TMC1: variants seen among roughly 807,000 people sequenced by gnomAD.
TMC1 encodes the protein transmembrane channel-like protein 1.
In TMC1, 84 loss-of-function variants were observed where a neutral mutation model predicts 105.8. The observed-to-expected ratio is 0.79, with a 90% confidence interval of 0.67 to 0.95. TMC1 has a LOEUF of 0.95. Ranked by LOEUF, TMC1 falls within the 40% of genes least tolerant of loss-of-function variation. The pLI is 0.00. For missense variants in TMC1, 817 were observed against 914.1 expected (o/e 0.89, Z 1.37); for synonymous variants, 315 against 311.5 (o/e 1.01, Z -0.12).
At chr9:72,606,853 A>G (rs1390397024) in intron 2 of TMC1, among the ~76,000 whole-genome samples, 2 of 152,112 alleles carry the variant, frequency 1.3e-5, no homozygotes, top group South Asian at 2.1e-4. Flanking sequence ...AATTTATTCA[A>G]TCTCTCTGTT....
intron 8 of TMC1, among the ~76,000 whole-genome samples, chr9:72,732,721 C>T (rs72733050): frequency 0.14 from 21,503 of 152,170 alleles, 1,843 homozygotes; most frequent in African/African-American, 0.24. Flanking sequence ...CCTGGGGAAA[C>T]TGGGAGCACT....
At chr9:72,558,569 C>T (rs1823984642) in intron 1 of TMC1, among the ~76,000 whole-genome samples, 1 of 152,120 alleles carries the variant, frequency 6.6e-6, no homozygotes, top group South Asian at 2.1e-4. Flanking sequence ...GAATTTCAGG[C>T]TCAGTGATTT....
intron 8 of TMC1, among the ~76,000 whole-genome samples, chr9:72,710,760 G>A (rs181491496): frequency 0.14 from 20,660 of 152,118 alleles, 1,628 homozygotes; most frequent in African/African-American, 0.22. Context: ...GTCTCTTGAA[G>A]ACAGCAGATA....
rs571339860 is a variant in TMC1, at chr9:72,756,140, T to C, written c.741+1256T>C. Among the ~76,000 whole-genome samples the C allele has an allele frequency of 6.6e-5, 10 of 152,346 alleles. 1 individual carries two copies. The highest frequency in any genetic ancestry group is 2.2e-4 in the African/African-American group (9 of 41,586). ...AATATGTGGCATTTGTAATCTTCAA[T>C]CACCCCTGTCAGTTGGACTTTCCAT... On this transcript the variant is annotated intron_variant, in intron 12 of 23. Transcript: ENST00000297784.
intron 9 of TMC1, chr9:72,741,365 G>A: frequency 4.7e-6 from 2 of 427,898 alleles, no homozygotes; most frequent in Non-Finnish European, 8.8e-6. Context: ...TTGGAGTGGT[G>A]TAAGACTTCT....
At chr9:72,586,081 G>A (rs1042855191) in intron 2 of TMC1, among the ~76,000 whole-genome samples, 12 of 152,280 alleles carry the variant, frequency 7.9e-5, no homozygotes, top group African/African-American at 2.6e-4. Flanking sequence ...ATTTCAACAT[G>A]CACTAATATA....
chr9:72,635,711 A>C (rs758642415), intron 4 of TMC1, among the ~76,000 whole-genome samples: 1 of 152,220 alleles, frequency 6.6e-6, no homozygotes, highest in Non-Finnish European at 1.5e-5. Context: ...AAAGCATAGA[A>C]AGAAGCTAGG....
intron 11 of TMC1, among the ~76,000 whole-genome samples, chr9:72,752,797 T>TA (rs1432975401): frequency 1.3e-5 from 2 of 152,212 alleles, no homozygotes; most frequent in African/African-American, 2.4e-5. Context: ...GGTGACTTTT[T>TA]ATCCCGATAG....
At chr9:72,789,750 C>T (rs965723347) in intron 15 of TMC1, among the ~76,000 whole-genome samples, 2 of 152,136 alleles carry the variant, frequency 1.3e-5, no homozygotes, top group African/African-American at 4.8e-5. Context: ...GTTGCCTGAA[C>T]TTTTTGAAGC....
intron 13 of TMC1, among the ~76,000 whole-genome samples, chr9:72,774,285 A>T (rs1827974882): frequency 6.6e-6 from 1 of 152,210 alleles, no homozygotes; most frequent in Non-Finnish European, 1.5e-5. Flanking sequence ...TCTAGTAGTC[A>T]TTAAATAAAT....
At chr9:72,591,602 G>A (rs1420540405) in intron 2 of TMC1, among the ~76,000 whole-genome samples, 7 of 152,246 alleles carry the variant, frequency 4.6e-5, no homozygotes, top group South Asian at 2.1e-4. Flanking sequence ...ACACTGTTGC[G>A]TAGGCTAGAG....
At chr9:72,672,823 AACACACACACACACAC>A (rs34028814) in intron 5 of TMC1, among the ~76,000 whole-genome samples, 3 of 139,920 alleles carry the variant, frequency 2.1e-5, no homozygotes, top group East Asian at 2.1e-4. Flanking sequence ...AAGCCTGGGC[AACACACACACACACAC>A]ACACACACAC....
At chr9:72,583,406 A>C (rs904837349) in intron 2 of TMC1, among the ~76,000 whole-genome samples, 1 of 152,222 alleles carries the variant, frequency 6.6e-6, no homozygotes, top group Admixed American at 6.5e-5. Context: ...TTAAGAGCAG[A>C]TAAAATAACC....
chr9:72,752,447 AACACACACACAC>A (rs10640023), intron 11 of TMC1, among the ~76,000 whole-genome samples: 79 of 149,104 alleles, frequency 5.3e-4, no homozygotes, highest in Admixed American at 6.0e-4. Context: ...TAATGCCCAC[AACACACACACAC>A]ACACACACAC....
intron 23 of TMC1, among the ~76,000 whole-genome samples, chr9:72,833,586 A>G (rs1453173472): frequency 1.3e-5 from 2 of 152,140 alleles, no homozygotes; most frequent in Non-Finnish European, 2.9e-5. Context: ...TGGTCTGCTC[A>G]CATTTTGCCA....
At chr9:72,816,271 A>T in intron 19 of TMC1, 61 bp downstream of exon 19, 4 of 1,487,774 alleles carry the variant, frequency 2.7e-6, no homozygotes, top group Non-Finnish European at 3.8e-6. Flanking sequence ...ATTTTTGCAT[A>T]CAGCATTGAA....
intron 5 of TMC1, among the ~76,000 whole-genome samples, chr9:72,683,513 AG>A (rs1207702115): frequency 4.7e-5 from 7 of 148,168 alleles, no homozygotes; most frequent in Non-Finnish European, 1.1e-4. Flanking sequence ...CCTTTTAAAG[AG>A]GTTTTTTTTT....
intron 2 of TMC1, among the ~76,000 whole-genome samples, chr9:72,602,508 G>A (rs1015612150): frequency 2.6e-5 from 4 of 151,604 alleles, no homozygotes; most frequent in African/African-American, 9.7e-5. Flanking sequence ...CTGAGCAACT[G>A]GGACTACAGG....
intron 1 of TMC1, among the ~76,000 whole-genome samples, chr9:72,555,247 G>T (rs1823911199): frequency 6.8e-6 from 1 of 147,568 alleles, no homozygotes; most frequent in Non-Finnish European, 1.5e-5. Flanking sequence ...CCAGGCTGGA[G>T]TGCAATTGCA....
Sources: allele counts gnomAD v4.1 joint callset (sites outside exome capture counted in the v4.1 genomes callset), GRCh38; gene constraint gnomAD v4.1.1; transcripts MANE v1.5; gene names NCBI Gene and HGNC (gene_info 2026-07-23, HGNC 2026-07-21).